The following KCNIP1 variants were observed in gnomAD, a reference collection of about 807,000 sequenced individuals.
KCNIP1 encodes the protein A-type potassium channel modulatory protein KCNIP1.
Under a neutral mutation model 33.0 loss-of-function variants are expected in KCNIP1, and 18 were observed. The observed-to-expected ratio is 0.55, with a 90% CI of 0.38 to 0.81. The LOEUF is 0.81. Among genes scored for constraint, KCNIP1 ranks in the 30% least tolerant of loss-of-function variants. KCNIP1 has a pLI of 0.00. For missense variants in KCNIP1, 238 were observed against 271.6 expected, an observed-to-expected ratio of 0.88 and a Z score of 0.87; for synonymous variants, 93 against 98.3, an observed-to-expected ratio of 0.95 and a Z score of 0.32.
intron 1 of KCNIP1, among the ~76,000 whole-genome samples, chr5:170,396,189 G>A (rs747599397): frequency 5.9e-5 from 9 of 152,248 alleles, no homozygotes; most frequent in Non-Finnish European, 1.2e-4. Flanking sequence ...AAACCACAGG[G>A]AACAGTGACC....
intron 1 of KCNIP1, among the ~76,000 whole-genome samples, chr5:170,371,907 G>A (rs1234172517): frequency 6.6e-6 from 1 of 152,030 alleles, no homozygotes; most frequent in Non-Finnish European, 1.5e-5. Context: ...CACCACGTAA[G>A]AGGGTTTTCT....
chr5:170,569,884 G>A (rs1757336558), intron 1 of KCNIP1, among the ~76,000 whole-genome samples: 1 of 152,138 alleles, frequency 6.6e-6, no homozygotes, highest in Non-Finnish European at 1.5e-5. Flanking sequence ...TCAAAATTGG[G>A]TTAAAAGGAA....
At position 170,480,798 on chromosome 5, in the gene KCNIP1, A is replaced by G. The variant is rs541318078; in HGVS notation, c.88+126834A>G. Among the ~76,000 whole-genome samples, 35 of 152,186 alleles carry G rather than the reference A, an allele frequency of 2.3e-4. No homozygotes were observed. The South Asian group carries it at 7.1e-3, about 31-fold the overall frequency. The stretch of plus-strand genomic sequence containing the variant: ...CTGTCCTTACGAGCACATTTGGCCA[A>G]TTATCCTTCCATGTTATCAGTTCCC... On this transcript the variant is annotated intron_variant, in intron 1 of 7. Transcript: ENST00000377360.
At chr5:170,587,865 C>T (rs1274563808) in intron 1 of KCNIP1, among the ~76,000 whole-genome samples, 7 of 152,218 alleles carry the variant, frequency 4.6e-5, no homozygotes, top group Non-Finnish European at 4.4e-5. Context: ...CCCTAGGGAA[C>T]CATGATTCAA....
chr5:170,542,554 T>C (rs1461562097), intron 1 of KCNIP1, among the ~76,000 whole-genome samples: 1 of 152,124 alleles, frequency 6.6e-6, no homozygotes, highest in Non-Finnish European at 1.5e-5. Context: ...TAGAATACCT[T>C]AGATTGGGTA....
intron 1 of KCNIP1, among the ~76,000 whole-genome samples, chr5:170,358,700 G>A (rs971077193): frequency 3.3e-5 from 5 of 152,196 alleles, no homozygotes; most frequent in East Asian, 1.9e-4. Flanking sequence ...ACCCGCCCCC[G>A]CTTACATTTT....
At chr5:170,590,415 G>A (rs11744275) in intron 1 of KCNIP1, among the ~76,000 whole-genome samples, 6,002 of 152,192 alleles carry the variant, frequency 0.039, 179 homozygotes, top group Middle Eastern at 0.11. Flanking sequence ...AAGTGAGTCT[G>A]GAGGTGGAAA....
rs1455040417 is a variant in KCNIP1, at chr5:170,489,163, C to T, written c.88+135199C>T. Among the ~76,000 whole-genome samples, 1 of 152,156 alleles carries T rather than the reference C, an allele frequency of 6.6e-6. No homozygotes were observed. Among genetic ancestry groups the T allele is most frequent in the Non-Finnish European group, 1.5e-5 (1 of 68,030 alleles). ...TGGCCCCGGAATGGTGATGGAGCAG[C>T]CTGGGAGGCTGCAGGCACTGAAGGA... On this transcript the variant is annotated intron_variant, in intron 1 of 7. Coordinates refer to the KCNIP1 transcript ENST00000377360. The surrounding 1 kb of genome is among the most constrained non-coding windows in gnomAD (Gnocchi z 4.3).
At chr5:170,414,064 G>T (rs535021078) in intron 1 of KCNIP1, among the ~76,000 whole-genome samples, 95 of 152,272 alleles carry the variant, frequency 6.2e-4, no homozygotes, top group African/African-American at 2.2e-3. Context: ...AGTGTCAGGA[G>T]CCCTGCCTTA....
At chr5:170,658,607 T>C (rs1761359807) in intron 1 of KCNIP1, among the ~76,000 whole-genome samples, 3 of 152,132 alleles carry the variant, frequency 2.0e-5, no homozygotes, top group Admixed American at 2.0e-4. Context: ...ACAGATCTCA[T>C]AGTGTGTACA....
intron 1 of KCNIP1, among the ~76,000 whole-genome samples, chr5:170,513,780 G>A (rs1180916544): frequency 6.6e-6 from 1 of 152,220 alleles, no homozygotes; most frequent in Non-Finnish European, 1.5e-5. Context: ...GGGATTTGAA[G>A]CCAGAAAATG....
At chr5:170,477,596 C>G (rs1426367427) in intron 1 of KCNIP1, among the ~76,000 whole-genome samples, 1 of 152,202 alleles carries the variant, frequency 6.6e-6, no homozygotes, top group East Asian at 1.9e-4. Flanking sequence ...GCACATGCCA[C>G]CATGCTCAGC....
At chr5:170,383,389 A>G (rs1190327596) in intron 1 of KCNIP1, 3 of 598,624 alleles carry the variant, frequency 5.0e-6, no homozygotes, top group Non-Finnish European at 8.9e-6. Context: ...CTGACTTGAT[A>G]ACAGCTCTTC....
intron 1 of KCNIP1, among the ~76,000 whole-genome samples, chr5:170,421,620 G>T (rs1379749840): frequency 6.6e-6 from 1 of 152,030 alleles, no homozygotes; most frequent in African/African-American, 2.4e-5. Context: ...TTTTCTAAGG[G>T]CACTAGACCT....
chr5:170,447,287 T>C (rs972038584), intron 1 of KCNIP1, among the ~76,000 whole-genome samples: 2 of 152,188 alleles, frequency 1.3e-5, no homozygotes, highest in African/African-American at 4.8e-5. Flanking sequence ...TTGGGTCAAA[T>C]AACAGGACCA....
At chr5:170,678,789 G>C (rs1383669994) in intron 1 of KCNIP1, 1 of 152,254 alleles carries the variant, frequency 6.6e-6, no homozygotes. Flanking sequence ...GAATACACGG[G>C]AGGGAAGATC....
At chr5:170,482,439 A>G (rs918499896) in intron 1 of KCNIP1, among the ~76,000 whole-genome samples, 1 of 152,184 alleles carries the variant, frequency 6.6e-6, no homozygotes, top group Non-Finnish European at 1.5e-5. Flanking sequence ...TTTTGCAGCT[A>G]TTATATCATA....
chr5:170,475,216 G>A (rs1432183091), intron 1 of KCNIP1, among the ~76,000 whole-genome samples: 1 of 152,186 alleles, frequency 6.6e-6, no homozygotes, highest in Non-Finnish European at 1.5e-5. Context: ...GTCCCCACCC[G>A]ACCCAGAAGT....
chr5:170,675,555 A>G (rs1350388867), intron 1 of KCNIP1, among the ~76,000 whole-genome samples: 2 of 152,172 alleles, frequency 1.3e-5, no homozygotes, highest in East Asian at 1.9e-4. Flanking sequence ...CAGGAGGCGG[A>G]GGTTGCAGTG....
Sources: allele counts gnomAD v4.1 joint callset (sites outside exome capture counted in the v4.1 genomes callset), GRCh38; gene constraint gnomAD v4.1.1; non-coding constraint Gnocchi (gnomAD v3.1); transcripts MANE v1.5; gene names NCBI Gene and HGNC (gene_info 2026-07-23, HGNC 2026-07-21).